GAREM1: variants seen among roughly 807,000 people sequenced by gnomAD.
GAREM1 encodes GRB2-associated and regulator of MAPK protein 1.
GAREM1 carries 26 observed loss-of-function variants against 71.3 expected under a neutral mutation model. The observed-to-expected ratio is 0.36, with a 90% CI of 0.27 to 0.51. GAREM1 has a LOEUF of 0.51. GAREM1 is among the 20% of genes least tolerant of loss of function. GAREM1 has a pLI of 0.95. For synonymous variants in GAREM1, 440 were observed against 433.2 expected (o/e 1.02, Z -0.20); for missense variants, 1,026 against 1,103.1 (o/e 0.93, Z 0.99).
At chr18:32,358,968 G>C (rs768992125) in intron 2 of GAREM1, among the ~76,000 whole-genome samples, 8 of 152,172 alleles carry the variant, frequency 5.3e-5, no homozygotes, top group Non-Finnish European at 1.2e-4. Flanking sequence ...CCTGTTCACT[G>C]CACGGGATGC....
chr18:32,420,887 C>T (rs1215649806), intron 1 of GAREM1, among the ~76,000 whole-genome samples: 12 of 152,126 alleles, frequency 7.9e-5, no homozygotes, highest in African/African-American at 2.2e-4. Context: ...AACAATCTTG[C>T]GGCACCTCAG....
At chr18:32,350,208 T>G (rs1267755815) in intron 2 of GAREM1, among the ~76,000 whole-genome samples, 1 of 152,172 alleles carries the variant, frequency 6.6e-6, no homozygotes, top group Non-Finnish European at 1.5e-5. Context: ...ATTCAGAGGC[T>G]CTCTCCTCTC....
Position 32,398,629 on chromosome 18 carries a change from T to A in GAREM1, c.122-5594A>T, listed in dbSNP as rs191510143. Reference sequence around the variant, plus strand: ...AAGACTAAACCAGGAAGAAGTTGAATCCCTGAATAGACCAATAACAGGCTC... The same window carrying A: ...AAGACTAAACCAGGAAGAAGTTGAAACCCTGAATAGACCAATAACAGGCTC... On this transcript the variant is annotated intron_variant, in intron 1 of 5. Coordinates refer to ENST00000269209, the MANE Select transcript of GAREM1 (RefSeq NM_001242409.2). 2.0e-3 allele frequency among the ~76,000 whole-genome samples: 297 copies of A among 152,170 alleles called. 2 individuals are homozygous for A. The highest frequency in any genetic ancestry group is 6.9e-3 in the African/African-American group (286 of 41,516).
chr18:32,356,730 T>C lies in GAREM1; in HGVS notation c.262+36165A>G, dbSNP rs1177536660. 5.9e-5 allele frequency among the ~76,000 whole-genome samples: 9 copies of C among 152,198 alleles called. 1 individual carries two copies. The highest frequency in any genetic ancestry group is 5.9e-4 in the Admixed American group (9 of 15,270). ...AGACTCAGTGGAATTAAGTCATTTG[T>C]CCCAGGCCACACAATGAACAAGAGA... is the stretch of plus-strand genomic sequence containing the variant. On this transcript the variant is annotated intron_variant, in intron 2 of 5. Transcript: ENST00000269209.
intron 2 of GAREM1, among the ~76,000 whole-genome samples, chr18:32,374,701 A>G (rs996779075): frequency 2.0e-5 from 3 of 152,230 alleles, no homozygotes; most frequent in Non-Finnish European, 4.4e-5. Context: ...AGAACTTTCC[A>G]TGGGAAATAA....
intron 2 of GAREM1, among the ~76,000 whole-genome samples, chr18:32,392,593 C>T (rs939584290): frequency 1.3e-5 from 2 of 152,114 alleles, no homozygotes; most frequent in African/African-American, 4.8e-5. Context: ...GAGACATGAC[C>T]CCCTGAAGTT....
At position 32,451,594 on chromosome 18, in the gene GAREM1, C is replaced by T. The variant is rs377470638; in HGVS notation, c.121+18714G>A. ...TATAATATTTCCCACTCACCCTGCTCCACTACATTCCCACAAATCTAGTTT... is the reference window on the plus strand; with the variant it reads ...TATAATATTTCCCACTCACCCTGCTTCACTACATTCCCACAAATCTAGTTT... On this transcript the variant is annotated intron_variant, in intron 1 of 5. Transcript: ENST00000269209. Among the ~76,000 whole-genome samples, 7 of 152,336 alleles carry T rather than the reference C, an allele frequency of 4.6e-5. No homozygotes were observed. In the East Asian group the frequency reaches 1.2e-3, roughly 25 times the overall value.
At chr18:32,347,457 TA>T (rs1293131036) in intron 2 of GAREM1, among the ~76,000 whole-genome samples, 2 of 152,212 alleles carry the variant, frequency 1.3e-5, no homozygotes, top group African/African-American at 4.8e-5. Context: ...GAGGACCCTC[TA>T]ATACTCTAGT....
intron 1 of GAREM1, among the ~76,000 whole-genome samples, chr18:32,467,914 A>T (rs1245321903): frequency 6.6e-6 from 1 of 152,234 alleles, no homozygotes; most frequent in Non-Finnish European, 1.5e-5. Context: ...AAACTGTGTG[A>T]AACATGTTTA....
intron 3 of GAREM1, among the ~76,000 whole-genome samples, chr18:32,309,748 G>T (rs2085066647): frequency 1.3e-5 from 2 of 150,792 alleles, no homozygotes; most frequent in South Asian, 4.2e-4. Flanking sequence ...AGAATGGAAT[G>T]AATACATGCT....
intron 1 of GAREM1, among the ~76,000 whole-genome samples, chr18:32,395,880 G>A (rs1053218649): frequency 6.6e-6 from 1 of 152,176 alleles, no homozygotes; most frequent in African/African-American, 2.4e-5. Flanking sequence ...GTGGGTCCCT[G>A]ACCCCCAAGT....
chr18:32,374,591 G>A (rs2048015179), intron 2 of GAREM1, among the ~76,000 whole-genome samples: 1 of 152,156 alleles, frequency 6.6e-6, no homozygotes, highest in African/African-American at 2.4e-5. Flanking sequence ...TGTATAACAC[G>A]ATAACAAAGG....
chr18:32,298,220 G>T (rs2047163035), intron 3 of GAREM1, among the ~76,000 whole-genome samples: 1 of 152,088 alleles, frequency 6.6e-6, no homozygotes, highest in Non-Finnish European at 1.5e-5. Context: ...TTCCAACTCT[G>T]AAGTCATTAT....
chr18:32,406,525 G>C (rs16963339), intron 1 of GAREM1, among the ~76,000 whole-genome samples: 11,605 of 152,032 alleles, frequency 0.076, 617 homozygotes, highest in African/African-American at 0.15. Context: ...ATAGAAAACT[G>C]CTACAAAACA....
intron 1 of GAREM1, among the ~76,000 whole-genome samples, chr18:32,393,824 A>G (rs1567993172): frequency 6.6e-6 from 1 of 152,230 alleles, no homozygotes; most frequent in Admixed American, 6.5e-5. Context: ...ATGTTTTTCT[A>G]GATGCTGAAA....
At chr18:32,380,022 T>C (rs183275301) in intron 2 of GAREM1, among the ~76,000 whole-genome samples, 2 of 152,308 alleles carry the variant, frequency 1.3e-5, no homozygotes, top group Non-Finnish European at 2.9e-5. Flanking sequence ...AAACAAAGCT[T>C]TGCAACTAAA....
chr18:32,353,721 AT>A (rs1055989073), intron 2 of GAREM1, among the ~76,000 whole-genome samples: 8 of 152,194 alleles, frequency 5.3e-5, no homozygotes, highest in Non-Finnish European at 1.2e-4. Flanking sequence ...TGGCAGGTGA[AT>A]TCTAAGGTGT....
intron 3 of GAREM1, among the ~76,000 whole-genome samples, chr18:32,300,357 G>C (rs764346374): frequency 6.6e-6 from 1 of 152,142 alleles, no homozygotes; most frequent in African/African-American, 2.4e-5. Context: ...GGAATGGTGG[G>C]TTACAACTGA....
At chr18:32,328,050 T>C (rs2047491062) in intron 2 of GAREM1, among the ~76,000 whole-genome samples, 1 of 152,170 alleles carries the variant, frequency 6.6e-6, no homozygotes, top group Non-Finnish European at 1.5e-5. Context: ...AATTAATTTT[T>C]CCTCCCCATT....
Sources: gnomAD v4.1 joint callset for allele counts (sites outside exome capture counted in the v4.1 genomes callset) on GRCh38, gnomAD v4.1.1 for gene constraint, MANE v1.5 for transcripts, NCBI Gene and HGNC (gene_info 2026-07-23, HGNC 2026-07-21) for gene names.